ERV3-1: variants seen among roughly 807,000 people sequenced by gnomAD.
ERV3-1 encodes endogenous retrovirus group 3 member 1 Env polyprotein.
A neutral mutation model predicts 24.6 loss-of-function variants in ERV3-1; 36 were observed. The ratio of observed to expected loss-of-function variants is 1.47; its 90% CI spans 1.12 to 1.94. The LOEUF (loss-of-function observed/expected upper bound fraction) is 1.94, where lower values mean the gene tolerates loss of function less well. Ranked by LOEUF, ERV3-1 falls within the 30% of genes most tolerant of loss-of-function variation. ERV3-1 has a pLI of 0.00. For missense variants in ERV3-1, 578 were observed against 330.9 expected (o/e 1.75, Z -5.79); for synonymous variants, 211 against 122.6 (o/e 1.72, Z -4.76).
chr7:64,998,877 G>T (rs1176451783), intron 1 of ERV3-1, among the ~76,000 whole-genome samples: 2 of 152,172 alleles, frequency 1.3e-5, no homozygotes, highest in Admixed American at 1.3e-4. Context: ...ACGTCACTCA[G>T]CATGTTGGTT....
chr7:64,992,668 T>C lies in ERV3-1; in HGVS notation c.359A>G (p.Tyr120Cys). The C allele has an allele frequency of 2.6e-6, 2 of 766,154 alleles. No individual in the cohort carries two copies. Among genetic ancestry groups the C allele is most frequent in the Non-Finnish European group, 4.8e-6 (2 of 417,836 alleles). 47.5% of individuals were successfully genotyped at this position (766,154 alleles called of 1,614,324 possible). A position where few individuals can be genotyped will look rare whatever the true frequency, so the allele number is the denominator to read the frequency against. The part of the protein sequence containing the change: ...FPSGKDVVSL[Y>C]FDVCQIVSMG... ...GGATACTATCTGGCAAACATCAAAG[T>C]ATAAGGATACGACATCCTTGCCAGA... The change falls in exon 2 of 2, where the codon TAC becomes TGC. Residue 120 changes from tyrosine to cysteine, a missense_variant. Physicochemically the swap from Tyr to Cys is radical, Grantham distance 194. Transcript: ENST00000394323.
At position 64,992,248 on chromosome 7, in the gene ERV3-1, T is replaced by C. The variant is rs376614026; in HGVS notation, c.779A>G (p.His260Arg). ...QFRVFESFYE[H>R]VNQKLPEPPP... ...GGGCTCAGGCAATTTCTGGTTAACATGCTCATAGAATGACTCAAAAACTCG... is the reference window on the plus strand; with the variant it reads ...GGGCTCAGGCAATTTCTGGTTAACACGCTCATAGAATGACTCAAAAACTCG... Residue 260 changes from histidine (H) to arginine (R), a missense_variant, in exon 2 of 2, where the codon CAT (histidine) becomes CGT (arginine). By Grantham distance (29) the His-to-Arg change is conservative. Transcript: ENST00000394323. 9.1e-6 allele frequency: 7 copies of C among 766,420 alleles called. No individual in the cohort carries two copies. In the East Asian group the frequency reaches 1.5e-4, roughly 16 times the overall value. 47.5% of individuals were successfully genotyped at this position (766,420 alleles called of 1,614,324 possible).
chr7:64,997,323 T>C (rs1217918744), intron 1 of ERV3-1, among the ~76,000 whole-genome samples: 1 of 152,214 alleles, frequency 6.6e-6, no homozygotes, highest in East Asian at 1.9e-4. Context: ...ACTCTAGCTT[T>C]TGCAGCTTTC....
At chr7:65,004,730 G>C (rs1335764912) in intron 1 of ERV3-1, 4 of 152,098 alleles carry the variant, frequency 2.6e-5, no homozygotes, top group Admixed American at 2.0e-4. Context: ...TCCCTTGAGA[G>C]ATTCTCCCAC....
chr7:64,991,710 C>A lies in ERV3-1; in HGVS notation c.1317G>T (p.Leu439=), dbSNP rs373454107. ...LPAKWSGACV[L]GTIRPSFFLM... is the part of the protein sequence containing the mutation. ...GGAAGAAGGACGGCCTAATTGTCCC[C>A]AGTACACAGGCCCCTGACCATTTAG... Residue 439 remains leucine, a synonymous_variant, in exon 2 of 2, where the codon CTG becomes CTT. Coordinates refer to ENST00000394323, the MANE Select transcript of ERV3-1 (RefSeq NM_001007253.4). 9.2e-6 allele frequency: 7 copies of A among 758,868 alleles called. No homozygotes were observed. In the Admixed American group the frequency reaches 1.2e-4, roughly 13 times the overall value. 47.0% of individuals were successfully genotyped at this position (758,868 alleles called of 1,614,324 possible).
At position 64,992,363 on chromosome 7, in the gene ERV3-1, C is replaced by T. The variant is rs767232366; in HGVS notation, c.664G>A (p.Ala222Thr). The T allele has an allele frequency of 1.3e-6, 1 of 766,252 alleles. No individual in the cohort carries two copies. The highest frequency in any genetic ancestry group is 2.4e-6 in the Non-Finnish European group (1 of 417,916). 47.5% of individuals were successfully genotyped at this position (766,252 alleles called of 1,614,324 possible). A position where few individuals can be genotyped will look rare whatever the true frequency, so the allele number is the denominator to read the frequency against. The change falls in exon 2 of 2, where the codon GCA (alanine) becomes ACA (threonine). Residue 222 changes from alanine (A) to threonine (T), a missense_variant. By Grantham distance (58) the Ala-to-Thr change is moderately conservative (BLOSUM62 0). Transcript: ENST00000394323. ...WTTGLKAPLG[A>T]RVSGEEIGPG... is the part of the protein sequence containing the mutation. Reference sequence around the variant, plus strand: ...CCAATTTCTTCACCGCTGACTCGTGCCCCTAGCGGTGCTTTTAAACCTGTT... The same window carrying T: ...CCAATTTCTTCACCGCTGACTCGTGTCCCTAGCGGTGCTTTTAAACCTGTT...
Position 64,992,828 on chromosome 7 carries a change from T to TTG in ERV3-1, c.197_198dup (p.Thr67GlnfsTer39), listed in dbSNP as rs1376004465. On this transcript the variant is annotated frameshift_variant, in exon 2 of 2. Coordinates refer to ENST00000394323, the MANE Select transcript of ERV3-1 (RefSeq NM_001007253.4). LOFTEE classifies it high-confidence loss of function. Reference sequence around the variant, plus strand: ...CTTCCTGGGTCACAGACTGAGTAGGTTGTCTGGTTGTGAGTACAAGTTCCT... The same window carrying TTG: ...CTTCCTGGGTCACAGACTGAGTAGGTTGTGTCTGGTTGTGAGTACAAGTTCCT... The TTG allele has an allele frequency of 2.6e-6, 2 of 766,328 alleles. No individual in the cohort carries two copies. Among genetic ancestry groups the TTG allele is most frequent in the Non-Finnish European group, 4.8e-6 (2 of 417,880 alleles). 47.5% of individuals were successfully genotyped at this position (766,328 alleles called of 1,614,324 possible). A position where few individuals can be genotyped will look rare whatever the true frequency, so the allele number is the denominator to read the frequency against.
Position 64,991,316 on chromosome 7 carries a change from T to C in ERV3-1, c.1711A>G (p.Thr571Ala), listed in dbSNP as rs1428152743. ...EEGVCGKFNL[T>A]NCCLELDDEG... The stretch of plus-strand genomic sequence containing the variant: ...TCATCAAGTTCCAGGCAGCAGTTAG[T>C]AAGGTTGAACTTTCCGCATACTCCC... The change falls in exon 2 of 2, where the codon ACT becomes GCT. Residue 571 changes from threonine (T) to alanine (A), a missense_variant. Physicochemically the swap from Thr to Ala is moderately conservative, Grantham distance 58 (BLOSUM62 0). Coordinates refer to ENST00000394323, the MANE Select transcript of ERV3-1 (RefSeq NM_001007253.4). The C allele has an allele frequency of 1.4e-6, 1 of 711,064 alleles. No homozygotes were observed. The highest frequency in any genetic ancestry group is 2.6e-5 in the East Asian group (1 of 38,440). 44.0% of individuals were successfully genotyped at this position (711,064 alleles called of 1,614,324 possible). A position where few individuals can be genotyped will look rare whatever the true frequency, so the allele number is the denominator to read the frequency against.
intron 1 of ERV3-1, chr7:65,006,322 A>C: frequency 5.7e-6 from 4 of 707,304 alleles, no homozygotes; most frequent in Non-Finnish European, 9.4e-6. Context: ...AGGCACAGTC[A>C]CTGCGCAGGG....
intron 1 of ERV3-1, among the ~76,000 whole-genome samples, chr7:64,998,701 G>A (rs1018879703): frequency 2.0e-5 from 3 of 151,936 alleles, no homozygotes; most frequent in African/African-American, 7.3e-5. Context: ...AGATTTAATG[G>A]AGGGTTCATA....
intron 1 of ERV3-1, among the ~76,000 whole-genome samples, chr7:65,000,852 C>T (rs1786505565): frequency 6.6e-6 from 1 of 151,860 alleles, no homozygotes; most frequent in African/African-American, 2.4e-5. Flanking sequence ...ACAATGAATA[C>T]CGTGTGGCCA....
intron 1 of ERV3-1, among the ~76,000 whole-genome samples, chr7:65,005,476 C>G (rs371741569): frequency 4.6e-5 from 7 of 152,092 alleles, no homozygotes; most frequent in Non-Finnish European, 1.0e-4. Context: ...AAACAGAAAA[C>G]AAATCTTTTT....
chr7:64,992,196 G>A lies in ERV3-1; in HGVS notation c.831C>T (p.Ala277=), dbSNP rs1786286523. Residue 277 remains alanine, a synonymous_variant, in exon 2 of 2, where the codon GCC becomes GCT. Coordinates refer to ENST00000394323, the MANE Select transcript of ERV3-1 (RefSeq NM_001007253.4). ...EPPPLASNLF[A]QLAENIASSL... is the part of the protein sequence containing the mutation. ...TGCTGGCTATGTTTTCAGCCAGTTGGGCGAATAAATTACTGGCCAAGGGAG... is the reference window on the plus strand; with the variant it reads ...TGCTGGCTATGTTTTCAGCCAGTTGAGCGAATAAATTACTGGCCAAGGGAG... 2.6e-6 allele frequency: 2 copies of A among 766,216 alleles called. No individual in the cohort carries two copies. The highest frequency in any genetic ancestry group is 2.7e-5 in the South Asian group (2 of 74,628). The allele number at this position is 766,216 out of a possible 1,614,324, so 47.5% of individuals were successfully genotyped here.
At position 64,991,064 on chromosome 7, in the gene ERV3-1, C is replaced by T. The variant is rs1044561927; in HGVS notation, c.*148G>A. 27 of 576,368 alleles carry T rather than the reference C, an allele frequency of 4.7e-5. No individual in the cohort carries two copies. The highest frequency in any genetic ancestry group is 5.5e-4 in the Middle Eastern group (2 of 3,632). The allele number at this position is 576,368 out of a possible 1,614,324, so 35.7% of individuals were successfully genotyped here. Reference sequence around the variant, plus strand: ...GTGGTAGTCCGTCTGTCCACAAGAGCCTCTATGGCTGTTTGGATATTTTTG... The same window carrying T: ...GTGGTAGTCCGTCTGTCCACAAGAGTCTCTATGGCTGTTTGGATATTTTTG... On this transcript the variant is annotated 3_prime_UTR_variant, in exon 2 of 2. Coordinates refer to ENST00000394323, the MANE Select transcript of ERV3-1 (RefSeq NM_001007253.4).
At chr7:64,996,997 A>T (rs183567674) in intron 1 of ERV3-1, among the ~76,000 whole-genome samples, 35 of 152,276 alleles carry the variant, frequency 2.3e-4, no homozygotes, top group Non-Finnish European at 4.7e-4. Context: ...GCAGTTTTCC[A>T]GTTTTATAGT....
At position 64,991,854 on chromosome 7, in the gene ERV3-1, T is replaced by C; in HGVS notation, c.1173A>G (p.Pro391=). 1.3e-6 allele frequency: 1 copy of C among 766,286 alleles called. No homozygotes were observed. Among genetic ancestry groups the C allele is most frequent in the Non-Finnish European group, 2.4e-6 (1 of 417,886 alleles). The allele number at this position is 766,286 out of a possible 1,614,324, so 47.5% of individuals were successfully genotyped here. A position where few individuals can be genotyped will look rare whatever the true frequency, so the allele number is the denominator to read the frequency against. ...SNNSESPHPS[P]FSRFPSLNHS... ...GGTTTAAAGATGGGAAACGAGAGAA[T>C]GGGCTTGGGTGTGGTGATTCAGAAT... Residue 391 remains proline (P), a synonymous_variant, in exon 2 of 2, where the codon CCA becomes CCG. Coordinates refer to ENST00000394323, the MANE Select transcript of ERV3-1 (RefSeq NM_001007253.4).
chr7:65,006,458 G>A (rs533607580), intron 1 of ERV3-1, 83 bp downstream of exon 1: 176 of 1,537,720 alleles, frequency 1.1e-4, no homozygotes, highest in Non-Finnish European at 6.6e-5. Flanking sequence ...CTGCGGGGAG[G>A]CCAGAGTCCC....
At chr7:64,999,953 G>C (rs1786484266) in intron 1 of ERV3-1, among the ~76,000 whole-genome samples, 1 of 152,154 alleles carries the variant, frequency 6.6e-6, no homozygotes, top group African/African-American at 2.4e-5. Flanking sequence ...CTGCCTGTAG[G>C]AGTATAACTT....
intron 1 of ERV3-1, among the ~76,000 whole-genome samples, chr7:65,002,495 T>C (rs1786545011): frequency 1.8e-5 from 2 of 108,668 alleles, no homozygotes; most frequent in African/African-American, 5.6e-5. Flanking sequence ...GGCTAATTTT[T>C]ATATTTTTTT....
Sources: allele counts gnomAD v4.1 joint callset (sites outside exome capture counted in the v4.1 genomes callset), GRCh38; gene constraint gnomAD v4.1.1; transcripts MANE v1.5; gene names NCBI Gene and HGNC (gene_info 2026-07-23, HGNC 2026-07-21).